Variants in B3GALT1 observed in about 807,000 individuals in gnomAD.
B3GALT1 encodes beta-1,3-galactosyltransferase 1.
In B3GALT1, 10 loss-of-function variants were observed where a neutral mutation model predicts 23.2. That is an observed-to-expected ratio of 0.43 (90% CI 0.27 to 0.73). The LOEUF is 0.73. Among genes scored for constraint, B3GALT1 ranks in the 30% least tolerant of loss-of-function variants. The pLI is 0.21. For missense variants in B3GALT1, 299 were observed against 405.4 expected, an observed-to-expected ratio of 0.74 and a Z score of 2.25; for synonymous variants, 156 against 141.5, an observed-to-expected ratio of 1.10 and a Z score of -0.73.
At chr2:167,548,701 T>TGTGTGC (rs1163645489) in intron 2 of B3GALT1, among the ~76,000 whole-genome samples, 1 of 151,634 alleles carries the variant, frequency 6.6e-6, no homozygotes, top group East Asian at 1.9e-4. Flanking sequence ...TGTGTGTGTG[T>TGTGTGC]GTGTGTGTGT....
In B3GALT1 at chr2:167,872,994, T is replaced by C. The variant is rs533112051; in HGVS notation, c.*2974T>C. On this transcript the variant is annotated 3_prime_UTR_variant, in exon 5 of 5. Transcript: ENST00000392690. ...TCGTTTTTTGAATGTTCAAAAAATG[T>C]TTAAGTGATCAAGAAAAAGCTCTAA... 11 of 152,294 alleles carry C rather than the reference T, an allele frequency of 7.2e-5. No individual in the cohort carries two copies. The East Asian group carries it at 1.4e-3, about 19-fold the overall frequency. 9.4% of individuals were successfully genotyped at this position (152,294 alleles called of 1,614,324 possible). A position where few individuals can be genotyped will look rare whatever the true frequency, so the allele number is the denominator to read the frequency against.
At chr2:167,350,235 TCTC>T (rs1313325534) in intron 1 of B3GALT1, among the ~76,000 whole-genome samples, 1 of 152,148 alleles carries the variant, frequency 6.6e-6, no homozygotes, top group African/African-American at 2.4e-5. Context: ...ATTTTGTAAA[TCTC>T]CTTGAAGTAC....
intron 2 of B3GALT1, among the ~76,000 whole-genome samples, chr2:167,617,573 A>G (rs199595770): frequency 2.8e-4 from 42 of 152,224 alleles, no homozygotes; most frequent in African/African-American, 9.4e-4. Context: ...TTTCTTGTTA[A>G]TATAGTAAAA....
At chr2:167,625,981 A>ATATT (rs1685335310) in intron 2 of B3GALT1, among the ~76,000 whole-genome samples, 1 of 131,652 alleles carries the variant, frequency 7.6e-6, no homozygotes, top group South Asian at 2.3e-4. Context: ...ATATATATAT[A>ATATT]TATATGACCT....
At chr2:167,830,651 A>G (rs1203546889) in intron 4 of B3GALT1, among the ~76,000 whole-genome samples, 2 of 152,242 alleles carry the variant, frequency 1.3e-5, no homozygotes, top group Non-Finnish European at 2.9e-5. Flanking sequence ...AACTGATTTC[A>G]AACTGTAGCC....
chr2:167,829,493 A>G (rs1012042557), intron 4 of B3GALT1, among the ~76,000 whole-genome samples: 3 of 151,930 alleles, frequency 2.0e-5, no homozygotes, highest in Non-Finnish European at 2.9e-5. Flanking sequence ...AAGGAAAAAA[A>G]AAAAGAAAAG....
chr2:167,830,299 G>A (rs1009138212), intron 4 of B3GALT1, among the ~76,000 whole-genome samples: 1 of 151,768 alleles, frequency 6.6e-6, no homozygotes, highest in African/African-American at 2.4e-5. Context: ...CAGGCTGTGC[G>A]GCAAACATAC....
intron 3 of B3GALT1, among the ~76,000 whole-genome samples, chr2:167,675,405 GAAAT>G (rs1270741990): frequency 3.3e-5 from 5 of 152,096 alleles, no homozygotes; most frequent in Admixed American, 1.3e-4. Flanking sequence ...CTATTTCAAA[GAAAT>G]AAATAGAGTG....
chr2:167,795,943 G>A (rs991055264), intron 3 of B3GALT1, among the ~76,000 whole-genome samples: 15 of 152,110 alleles, frequency 9.9e-5, no homozygotes, highest in African/African-American at 3.4e-4. Flanking sequence ...ATAATCATCT[G>A]GTTTCTCCTG....
intron 3 of B3GALT1, among the ~76,000 whole-genome samples, chr2:167,767,239 T>G (rs190712533): frequency 6.6e-6 from 1 of 152,224 alleles, no homozygotes; most frequent in African/African-American, 2.4e-5. Flanking sequence ...TCCTCTTCAA[T>G]TGGGGCATCA....
chr2:167,507,461 G>A (rs1287972967), intron 2 of B3GALT1, among the ~76,000 whole-genome samples: 4 of 135,406 alleles, frequency 3.0e-5, no homozygotes, highest in African/African-American at 1.1e-4. Flanking sequence ...AACCAAGATC[G>A]CGCCACTGCA....
chr2:167,530,980 G>C (rs2105367728), intron 2 of B3GALT1, among the ~76,000 whole-genome samples: 1 of 152,298 alleles, frequency 6.6e-6, no homozygotes, highest in Admixed American at 6.5e-5. Context: ...TGGATTGCAT[G>C]TGAACAAGAA....
chr2:167,386,663 T>G (rs1336123915), intron 1 of B3GALT1, among the ~76,000 whole-genome samples: 1 of 152,184 alleles, frequency 6.6e-6, no homozygotes, highest in Non-Finnish European at 1.5e-5. Context: ...TTTTCTCCTC[T>G]CATATCAAAG....
chr2:167,317,329 A>C (rs1417318926), intron 1 of B3GALT1, among the ~76,000 whole-genome samples: 4 of 152,126 alleles, frequency 2.6e-5, no homozygotes, highest in African/African-American at 9.7e-5. Context: ...GAAGGGAATC[A>C]TGTGCAAATG....
chr2:167,654,459 T>C (rs1388618338), intron 3 of B3GALT1, among the ~76,000 whole-genome samples: 1 of 152,102 alleles, frequency 6.6e-6, no homozygotes, highest in Non-Finnish European at 1.5e-5. Flanking sequence ...CGTCAGAATG[T>C]TCTCTCCTTT....
chr2:167,676,890 A>G (rs1056097056), intron 3 of B3GALT1, among the ~76,000 whole-genome samples: 6 of 152,208 alleles, frequency 3.9e-5, no homozygotes, highest in Non-Finnish European at 7.3e-5. Context: ...TATAAGTTCT[A>G]TATAGTCTTT....
At chr2:167,822,481 A>T (rs1689128474) in intron 4 of B3GALT1, among the ~76,000 whole-genome samples, 1 of 152,166 alleles carries the variant, frequency 6.6e-6, no homozygotes, top group African/African-American at 2.4e-5. Context: ...AGGGACCAAG[A>T]TACTCACGGT....
intron 2 of B3GALT1, among the ~76,000 whole-genome samples, chr2:167,571,306 C>T (rs1037152999): frequency 6.6e-6 from 1 of 151,888 alleles, no homozygotes; most frequent in Admixed American, 6.6e-5. Flanking sequence ...CTCAAACGTG[C>T]ACCTCTCCAA....
At chr2:167,395,157 G>A (rs1559084158) in intron 1 of B3GALT1, among the ~76,000 whole-genome samples, 1 of 152,128 alleles carries the variant, frequency 6.6e-6, no homozygotes, top group Non-Finnish European at 1.5e-5. Context: ...TTTTGCACGT[G>A]AGATGGATAT....
Sources: gnomAD v4.1 joint callset for allele counts (sites outside exome capture counted in the v4.1 genomes callset) on GRCh38, gnomAD v4.1.1 for gene constraint, MANE v1.5 for transcripts, NCBI Gene and HGNC (gene_info 2026-07-23, HGNC 2026-07-21) for gene names.